Variants in KATNIP observed in about 807,000 individuals in gnomAD.
KATNIP encodes katanin interacting protein.
KATNIP carries 126 observed loss-of-function variants against 174.0 expected under a neutral mutation model. That is an observed-to-expected ratio of 0.72 (90% CI 0.63 to 0.84). The LOEUF is 0.84. KATNIP is among the 40% of genes least tolerant of loss of function. The pLI is 0.00. For synonymous variants in KATNIP, 810 were observed against 835.7 expected, an observed-to-expected ratio of 0.97 and a Z score of 0.53; for missense variants, 1,958 against 2,109.7, an observed-to-expected ratio of 0.93 and a Z score of 1.41.
At chr16:27,559,911 G>A (rs1416070655) in intron 1 of KATNIP, among the ~76,000 whole-genome samples, 1 of 151,952 alleles carries the variant, frequency 6.6e-6, no homozygotes, top group Non-Finnish European at 1.5e-5. Flanking sequence ...AATCCAGGAG[G>A]CAAAGGTTGC....
intron 2 of KATNIP, chr16:27,574,364 T>C (rs2090411977): frequency 4.7e-6 from 1 of 212,484 alleles, no homozygotes; most frequent in African/African-American, 2.3e-5. Flanking sequence ...TGGGGGGTAG[T>C]TGAGTGTCAG....
rs995416846 is a variant in KATNIP, at chr16:27,628,753, C to A, written c.233C>A (p.Ser78Ter). 5.6e-6 allele frequency: 9 copies of A among 1,614,194 alleles called. No homozygotes were observed. The South Asian group carries it at 9.9e-5, about 18-fold the overall frequency. The change falls in exon 4 of 28, where the codon TCG (serine) becomes TAG (stop). Residue 78 changes from serine (S) to a stop codon, truncating the protein, a stop_gained. Coordinates refer to ENST00000261588, the MANE Select transcript of KATNIP (RefSeq NM_015202.5). LOFTEE classifies it high-confidence loss of function. ...TCTGTCTATGTCAACGGTGCCAATT[C>A]GGAGCTGAAATCATCACCGCGGAAA... ...GFSVYVNGAN[S>*]ELKSSPRKAI...
intron 5 of KATNIP, among the ~76,000 whole-genome samples, chr16:27,646,912 C>T (rs1597048932): frequency 1.3e-5 from 2 of 152,232 alleles, no homozygotes; most frequent in South Asian, 4.1e-4. Context: ...AGCTCACTCC[C>T]ACCTCCCCAT....
chr16:27,550,842 C>T (rs560266997), intron 1 of KATNIP, among the ~76,000 whole-genome samples: 10 of 152,194 alleles, frequency 6.6e-5, no homozygotes, highest in Non-Finnish European at 1.5e-4. Flanking sequence ...GACACCCTGT[C>T]TCTGGAGCTG....
chr16:27,761,445 G>A lies in KATNIP; in HGVS notation c.3664G>A (p.Asp1222Asn). 6.2e-7 allele frequency: 1 copy of A among 1,613,658 alleles called. No individual in the cohort carries two copies. Among genetic ancestry groups the A allele is most frequent in the Non-Finnish European group, 8.5e-7 (1 of 1,179,832 alleles). The change falls in exon 19 of 28, where the codon GAC becomes AAC. Residue 1222 changes from aspartate (D) to asparagine (N), a missense_variant. Transcript: ENST00000261588. ...LQLNFTASWGDLHYLGLTGLE... is the reference protein window; with the variant it reads ...LQLNFTASWGNLHYLGLTGLE... ...GCTGAATTTCACTGCCTCCTGGGGA[G>A]ACTTGCACTACCTGGGGCTCACTGG... is the stretch of plus-strand genomic sequence containing the variant.
chr16:27,683,967 C>T (rs2078436104), intron 8 of KATNIP, among the ~76,000 whole-genome samples: 1 of 152,206 alleles, frequency 6.6e-6, no homozygotes, highest in African/African-American at 2.4e-5. Flanking sequence ...CCTAGAGCCC[C>T]TAGTAGGGCA....
intron 8 of KATNIP, 63 bp downstream of exon 8, chr16:27,681,593 G>T: frequency 1.3e-6 from 2 of 1,596,350 alleles, no homozygotes; most frequent in Non-Finnish European, 8.6e-7. Context: ...TCTCTGGGGT[G>T]CCATGATGGG....
At chr16:27,770,837 G>A (rs1035254057) in intron 21 of KATNIP, among the ~76,000 whole-genome samples, 1 of 152,238 alleles carries the variant, frequency 6.6e-6, no homozygotes, top group African/African-American at 2.4e-5. Flanking sequence ...GGAGCCAGGT[G>A]CTGAAGATCA....
intron 18 of KATNIP, among the ~76,000 whole-genome samples, chr16:27,760,194 T>C (rs1258704057): frequency 6.6e-6 from 1 of 152,164 alleles, no homozygotes; most frequent in Non-Finnish European, 1.5e-5. Flanking sequence ...TTCTGCCTGC[T>C]CTGTGGTGCT....
chr16:27,768,225 C>A (rs1306608468), intron 20 of KATNIP, among the ~76,000 whole-genome samples: 4 of 152,214 alleles, frequency 2.6e-5, no homozygotes, highest in Non-Finnish European at 5.9e-5. Flanking sequence ...GAAGCCAGGG[C>A]CCTGGACTCC....
intron 4 of KATNIP, among the ~76,000 whole-genome samples, chr16:27,629,261 G>A (rs1335519713): frequency 6.6e-6 from 1 of 151,904 alleles, no homozygotes; most frequent in African/African-American, 2.4e-5. Context: ...CAGAAAGAGA[G>A]CATAAGAATG....
chr16:27,732,313 T>C (rs940900708), intron 14 of KATNIP, among the ~76,000 whole-genome samples: 2 of 152,146 alleles, frequency 1.3e-5, no homozygotes, highest in Non-Finnish European at 2.9e-5. Context: ...TTCGAGGAAA[T>C]TAAATTGCAT....
chr16:27,664,038 C>G (rs1327528203), intron 6 of KATNIP, among the ~76,000 whole-genome samples: 1 of 152,138 alleles, frequency 6.6e-6, no homozygotes, highest in African/African-American at 2.4e-5. Context: ...TCTTGAACTC[C>G]TGGCCTTGAG....
chr16:27,732,534 G>A (rs1037629547), intron 14 of KATNIP, among the ~76,000 whole-genome samples: 2 of 152,178 alleles, frequency 1.3e-5, no homozygotes, highest in Admixed American at 6.5e-5. Flanking sequence ...TGGCTAAGCA[G>A]TAGGTGCAGA....
intron 2 of KATNIP, among the ~76,000 whole-genome samples, chr16:27,603,274 CT>C (rs1403125436): frequency 1.3e-5 from 2 of 152,216 alleles, no homozygotes; most frequent in African/African-American, 4.8e-5. Context: ...ACTCAGGCCC[CT>C]TTCATCCTCC....
chr16:27,637,828 C>T lies in KATNIP; in HGVS notation c.408+6666C>T, dbSNP rs367688622. Among the ~76,000 whole-genome samples the T allele has an allele frequency of 3.9e-5, 6 of 152,242 alleles. No individual in the cohort carries two copies. The highest frequency in any genetic ancestry group is 6.5e-5 in the Admixed American group (1 of 15,298). The stretch of plus-strand genomic sequence containing the variant: ...AGAGGGTTGAAACAGTAGAGCGCCA[C>T]GTTTGGGTTCATATTTTGGGTTCAT... On this transcript the variant is annotated intron_variant, in intron 5 of 27. Transcript: ENST00000261588. This position sits in a 1 kb window ranked among gnomAD's most constrained non-coding sequence, Gnocchi z 4.7.
chr16:27,719,545 AT>A (rs908907444), intron 13 of KATNIP, among the ~76,000 whole-genome samples: 5 of 145,862 alleles, frequency 3.4e-5, no homozygotes, highest in African/African-American at 5.1e-5. Flanking sequence ...TAAATTTTGT[AT>A]TTTTTTTTTC....
At chr16:27,662,701 C>A (rs560430567) in intron 6 of KATNIP, among the ~76,000 whole-genome samples, 107 of 152,228 alleles carry the variant, frequency 7.0e-4, no homozygotes, top group Middle Eastern at 3.4e-3. Context: ...ATTTTTCAAT[C>A]TTAATGAAAA....
intron 18 of KATNIP, among the ~76,000 whole-genome samples, chr16:27,759,040 G>A (rs1057212229): frequency 1.4e-4 from 22 of 152,180 alleles, no homozygotes; most frequent in Admixed American, 1.2e-3. Flanking sequence ...AATAGTTTTC[G>A]TTTGTCTCAT....
Sources: allele counts gnomAD v4.1 joint callset (sites outside exome capture counted in the v4.1 genomes callset), GRCh38; gene constraint gnomAD v4.1.1; non-coding constraint Gnocchi (gnomAD v3.1); transcripts MANE v1.5; gene names NCBI Gene and HGNC (gene_info 2026-07-23, HGNC 2026-07-21).